The following EPM2A variants were observed in gnomAD, a reference collection of about 807,000 sequenced individuals.
The protein encoded by EPM2A is EPM2A glucan phosphatase, laforin.
In EPM2A, 21 loss-of-function variants were observed where a neutral mutation model predicts 26.5. That is an observed-to-expected ratio of 0.79 (90% CI 0.56 to 1.14). The LOEUF (loss-of-function observed/expected upper bound fraction) is 1.14. Among genes scored for constraint, EPM2A ranks in the 50% most tolerant of loss-of-function variants. EPM2A has a pLI of 0.00. For synonymous variants in EPM2A, 217 were observed against 177.6 expected, an observed-to-expected ratio of 1.22 and a Z score of -1.76; for missense variants, 458 against 440.8, an observed-to-expected ratio of 1.04 and a Z score of -0.35.
intron 2 of EPM2A, among the ~76,000 whole-genome samples, chr6:145,597,575 TG>T (rs1781364785): frequency 6.6e-6 from 1 of 152,114 alleles, no homozygotes; most frequent in African/African-American, 2.4e-5. Context: ...GTGGGCTTCT[TG>T]TTTTTTTAAC....
chr6:145,432,936 G>C (rs1317796891), intron 4 of EPM2A, among the ~76,000 whole-genome samples: 1 of 151,964 alleles, frequency 6.6e-6, no homozygotes, highest in African/African-American at 2.4e-5. Flanking sequence ...CTTTAAACCT[G>C]GTGAACCAAC....
intron 3 of EPM2A, 135 bp downstream of exon 3, chr6:145,635,110 A>G: frequency 1.0e-6 from 1 of 971,030 alleles, no homozygotes. Flanking sequence ...TATGTATTAT[A>G]TATATTAAAT....
chr6:145,490,902 G>A (rs1267743111), intron 4 of EPM2A: 4 of 718,474 alleles, frequency 5.6e-6, no homozygotes, highest in South Asian at 5.3e-5. Flanking sequence ...AACAGTGCTA[G>A]AGCAGAATCA....
intron 2 of EPM2A, among the ~76,000 whole-genome samples, chr6:145,582,104 C>G (rs1227972655): frequency 6.6e-6 from 1 of 152,042 alleles, no homozygotes; most frequent in African/African-American, 2.4e-5. Flanking sequence ...CTTCACATTG[C>G]TTTTGCTGTG....
intron 2 of EPM2A, among the ~76,000 whole-genome samples, chr6:145,679,818 G>C (rs892909595): frequency 1.3e-5 from 2 of 152,180 alleles, no homozygotes; most frequent in African/African-American, 2.4e-5. Context: ...CTTGAGAGCT[G>C]TAAGTTCTTC....
chr6:145,649,562 C>T (rs1777727295), intron 2 of EPM2A, among the ~76,000 whole-genome samples: 1 of 152,144 alleles, frequency 6.6e-6, no homozygotes, highest in Non-Finnish European at 1.5e-5. Context: ...TGTGTGAAGA[C>T]AGCTCTCTAT....
chr6:145,667,949 G>A (rs1172516102), intron 2 of EPM2A, among the ~76,000 whole-genome samples: 1 of 148,894 alleles, frequency 6.7e-6, no homozygotes, highest in Non-Finnish European at 1.5e-5. Flanking sequence ...TCACTCATAG[G>A]TGGGAATTAA....
intron 2 of EPM2A, among the ~76,000 whole-genome samples, chr6:145,554,422 TGATAGATAGATAGATAGATA>T (rs34637179): frequency 9.6e-5 from 14 of 146,230 alleles, no homozygotes; most frequent in South Asian, 2.3e-4. Context: ...GATAGATAGA[TGATAGATAGATAGATAGATA>T]GATAGATAGA....
intron 4 of EPM2A, among the ~76,000 whole-genome samples, chr6:145,489,410 G>C (rs1779726214): frequency 1.3e-5 from 2 of 152,082 alleles, no homozygotes; most frequent in African/African-American, 4.8e-5. Context: ...TAAGTTTCCA[G>C]AAATGTACTT....
intron 4 of EPM2A, among the ~76,000 whole-genome samples, chr6:145,464,756 G>A (rs1335858836): frequency 6.6e-6 from 1 of 151,856 alleles, no homozygotes. Context: ...TTGTTATATA[G>A]GTAGATATGA....
At chr6:145,581,217 G>T (rs1033452702) in intron 2 of EPM2A, among the ~76,000 whole-genome samples, 2 of 152,098 alleles carry the variant, frequency 1.3e-5, no homozygotes, top group African/African-American at 4.8e-5. Context: ...AAGATGGTAT[G>T]TCAGTGTGGT....
intron 2 of EPM2A, among the ~76,000 whole-genome samples, chr6:145,545,826 T>G (rs1311069862): frequency 6.6e-6 from 1 of 152,186 alleles, no homozygotes; most frequent in African/African-American, 2.4e-5. Flanking sequence ...CTAAGCTATT[T>G]GCTTATGACA....
chr6:145,463,049 G>C (rs141648975), intron 4 of EPM2A, among the ~76,000 whole-genome samples: 87 of 152,184 alleles, frequency 5.7e-4, no homozygotes, highest in African/African-American at 1.9e-3. Flanking sequence ...TTCAAGCACA[G>C]AAACATTACA....
chr6:145,488,530 A>T lies in EPM2A; in HGVS notation c.555+13992T>A, dbSNP rs62439576. 2.4e-3 allele frequency among the ~76,000 whole-genome samples: 283 copies of T among 118,330 alleles called. 1 individual carries two copies. Among genetic ancestry groups the T allele is most frequent in the South Asian group, 5.9e-3 (20 of 3,392 alleles). 77.6% of individuals were successfully genotyped at this position (118,330 alleles called of 152,430 possible). A position where few individuals can be genotyped will look rare whatever the true frequency, so the allele number is the denominator to read the frequency against. On this transcript the variant is annotated intron_variant, in intron 4 of 4. Transcript: ENST00000638717. ...GTGTGTGTGTGTGTGTGTGAGAGAGAGAGAGAGAGAGAGAGAGAGATACTT... is the reference window on the plus strand; with the variant it reads ...GTGTGTGTGTGTGTGTGTGAGAGAGTGAGAGAGAGAGAGAGAGAGATACTT...
chr6:145,668,410 A>G (rs886205884), intron 2 of EPM2A, among the ~76,000 whole-genome samples: 11 of 152,228 alleles, frequency 7.2e-5, no homozygotes, highest in Admixed American at 1.3e-4. Flanking sequence ...AGAGAAAAAA[A>G]GGTTTCAGGT....
At chr6:145,665,878 G>C (rs1426698960) in intron 2 of EPM2A, among the ~76,000 whole-genome samples, 2 of 150,058 alleles carry the variant, frequency 1.3e-5, no homozygotes, top group Non-Finnish European at 2.9e-5. Flanking sequence ...ATCAATAAAT[G>C]TAATCCAGCA....
chr6:145,511,518 A>G (rs556834747), intron 2 of EPM2A, among the ~76,000 whole-genome samples: 1 of 152,358 alleles, frequency 6.6e-6, no homozygotes, highest in African/African-American at 2.4e-5. Flanking sequence ...GATCATCTAA[A>G]TAGACACAGA....
At chr6:145,498,831 A>G (rs1307854353), downstream of EPM2A, among the ~76,000 whole-genome samples, 1 of 152,182 alleles carries the variant, frequency 6.6e-6, no homozygotes, top group Non-Finnish European at 1.5e-5. Flanking sequence ...CCACTCCATC[A>G]GAGTTTCTTT....
chr6:145,656,754 A>G (rs909021203), intron 2 of EPM2A, among the ~76,000 whole-genome samples: 2 of 152,288 alleles, frequency 1.3e-5, no homozygotes, highest in African/African-American at 4.8e-5. Context: ...CTCACCCAGC[A>G]TATCTATTTA....
Sources: allele counts gnomAD v4.1 joint callset (sites outside exome capture counted in the v4.1 genomes callset), GRCh38; gene constraint gnomAD v4.1.1; transcripts MANE v1.5; gene names NCBI Gene and HGNC (gene_info 2026-07-23, HGNC 2026-07-21).